NAALADL2: variants seen among roughly 807,000 people sequenced by gnomAD.
The protein encoded by NAALADL2 is N-acetylated alpha-linked acidic dipeptidase like 2.
In NAALADL2, 76 loss-of-function variants were observed where a neutral mutation model predicts 87.2. The observed-to-expected ratio is 0.87, with a 90% CI of 0.72 to 1.05. The LOEUF (loss-of-function observed/expected upper bound fraction) is 1.05. NAALADL2 is among the 50% of genes least tolerant of loss of function. NAALADL2 has a pLI of 0.00. For missense variants in NAALADL2, 1,089 were observed against 945.8 expected (o/e 1.15, Z -1.99); for synonymous variants, 354 against 331.0 (o/e 1.07, Z -0.75).
At chr3:174,981,959 A>G (rs934935278) in intron 1 of NAALADL2, among the ~76,000 whole-genome samples, 3 of 152,210 alleles carry the variant, frequency 2.0e-5, no homozygotes, top group African/African-American at 7.2e-5. Flanking sequence ...CTGAAGTCAC[A>G]AAAGCACTTT....
chr3:175,141,723 T>C (rs1385660357), intron 2 of NAALADL2, among the ~76,000 whole-genome samples: 3 of 152,118 alleles, frequency 2.0e-5, no homozygotes, highest in Non-Finnish European at 4.4e-5. Context: ...TATTCTAGTT[T>C]CTTTCTTCTC....
chr3:175,470,645 G>A (rs1000035935), intron 8 of NAALADL2, among the ~76,000 whole-genome samples: 4 of 152,070 alleles, frequency 2.6e-5, no homozygotes, highest in African/African-American at 9.7e-5. Flanking sequence ...CTGTAGAACT[G>A]CCACCATGAC....
chr3:174,605,747 A>G (rs548672818), intron 2 of NAALADL2, among the ~76,000 whole-genome samples: 28 of 147,948 alleles, frequency 1.9e-4, no homozygotes, highest in South Asian at 6.4e-4. Flanking sequence ...GGGCACAGAC[A>G]AAAAAAAAAG....
chr3:174,570,049 T>G lies in NAALADL2; in HGVS notation c.-115+19412T>G, dbSNP rs1025524835. 5.3e-5 allele frequency among the ~76,000 whole-genome samples: 8 copies of G among 152,234 alleles called. No individual in the cohort carries two copies. The East Asian group carries it at 1.5e-3, about 29-fold the overall frequency. On this transcript the variant is annotated intron_variant, in intron 2 of 3. Transcript: ENST00000434257. ...ACTCTGTGAGACTTCTTGCTTTGCA[T>G]CTGGAAAGCACTTCCAGTCAGAATG...
At chr3:175,777,590 T>C (rs1231096492) in intron 13 of NAALADL2, among the ~76,000 whole-genome samples, 1 of 152,104 alleles carries the variant, frequency 6.6e-6, no homozygotes, top group Admixed American at 6.6e-5. Context: ...TTCAAGAGCT[T>C]TGCCAAGAAG....
intron 1 of NAALADL2, chr3:175,079,548 T>G (rs2109223845): frequency 6.6e-6 from 1 of 152,334 alleles, no homozygotes; most frequent in African/African-American, 2.4e-5. Context: ...AAAATTTTTC[T>G]AACATGTTTT....
intron 1 of NAALADL2, among the ~76,000 whole-genome samples, chr3:174,530,808 G>A (rs897764729): frequency 2.0e-5 from 3 of 152,158 alleles, no homozygotes; most frequent in African/African-American, 4.8e-5. Context: ...TGGGGACACA[G>A]CCAAACTATA....
At chr3:175,296,667 A>C (rs1177958584) in intron 4 of NAALADL2, among the ~76,000 whole-genome samples, 3 of 152,304 alleles carry the variant, frequency 2.0e-5, no homozygotes, top group South Asian at 4.1e-4. Context: ...TCTAACGGCC[A>C]TATCCAAACC....
intron 3 of NAALADL2, among the ~76,000 whole-genome samples, chr3:174,772,565 G>A (rs968748178): frequency 1.3e-5 from 2 of 152,078 alleles, no homozygotes; most frequent in Non-Finnish European, 2.9e-5. Context: ...TTAACTGCAG[G>A]CCCCATTCTG....
chr3:174,732,775 T>C (rs989473469), intron 2 of NAALADL2, among the ~76,000 whole-genome samples: 15 of 152,192 alleles, frequency 9.9e-5, no homozygotes, highest in Admixed American at 5.9e-4. Context: ...AGCCATCCTG[T>C]ATAAGTTAAT....
At chr3:175,057,004 A>C (rs1229640725) in intron 1 of NAALADL2, among the ~76,000 whole-genome samples, 2 of 152,162 alleles carry the variant, frequency 1.3e-5, no homozygotes, top group East Asian at 3.9e-4. Context: ...CAGATTTGGG[A>C]GGCCTGTTCC....
At chr3:175,253,942 A>C (rs1443927526) in intron 3 of NAALADL2, among the ~76,000 whole-genome samples, 1 of 152,186 alleles carries the variant, frequency 6.6e-6, no homozygotes, top group African/African-American at 2.4e-5. Flanking sequence ...GAATAACGAA[A>C]GTGGTTTTTT....
intron 9 of NAALADL2, among the ~76,000 whole-genome samples, chr3:175,488,005 T>C (rs895205974): frequency 4.6e-5 from 7 of 152,110 alleles, no homozygotes; most frequent in Non-Finnish European, 1.0e-4. Context: ...GAAATGGAAA[T>C]GCCAAGAGGA....
At chr3:175,124,725 A>G (rs1184785627) in intron 2 of NAALADL2, 1 of 152,084 alleles carries the variant, frequency 6.6e-6, no homozygotes, top group Non-Finnish European at 1.5e-5. Flanking sequence ...ATTATCATAC[A>G]TGATAGAATA....
intron 11 of NAALADL2, among the ~76,000 whole-genome samples, chr3:175,628,281 C>T (rs1204521533): frequency 6.6e-6 from 1 of 151,636 alleles, no homozygotes; most frequent in African/African-American, 2.4e-5. Flanking sequence ...ATGTAAGTGT[C>T]TGAGCATATT....
chr3:175,363,717 T>C (rs929380311), intron 5 of NAALADL2, among the ~76,000 whole-genome samples: 2 of 148,284 alleles, frequency 1.3e-5, no homozygotes, highest in African/African-American at 4.9e-5. Flanking sequence ...TATTTGCCAC[T>C]ATTCTTTAAA....
chr3:175,475,738 ACATAGTCT>A (rs1398800169), intron 9 of NAALADL2, among the ~76,000 whole-genome samples: 2 of 152,168 alleles, frequency 1.3e-5, no homozygotes, highest in Non-Finnish European at 2.9e-5. Context: ...AATTTTAGAG[ACATAGTCT>A]CACTTTGTCA....
At chr3:174,713,626 T>G (rs145841049) in intron 2 of NAALADL2, among the ~76,000 whole-genome samples, 35 of 152,144 alleles carry the variant, frequency 2.3e-4, no homozygotes, top group Admixed American at 1.8e-3. Context: ...CTGTTCATAT[T>G]GTTCACCCAC....
chr3:175,053,154 A>T (rs1755636751), intron 1 of NAALADL2, among the ~76,000 whole-genome samples: 1 of 152,192 alleles, frequency 6.6e-6, no homozygotes, highest in Non-Finnish European at 1.5e-5. Context: ...TTATTATGGT[A>T]AGTACTGAGA....
Sources: allele counts gnomAD v4.1 joint callset (sites outside exome capture counted in the v4.1 genomes callset), GRCh38; gene constraint gnomAD v4.1.1; transcripts MANE v1.5; gene names NCBI Gene and HGNC (gene_info 2026-07-23, HGNC 2026-07-21).